Variants in TRIM5 observed in about 807,000 individuals in gnomAD.
The protein encoded by TRIM5 is tripartite motif containing 5.
Under a neutral mutation model 35.6 loss-of-function variants are expected in TRIM5, and 31 were observed. The observed-to-expected ratio is 0.87, with a 90% CI of 0.65 to 1.18. TRIM5 has a LOEUF of 1.18. TRIM5 is among the 50% of genes most tolerant of loss of function. The pLI is 0.00. For synonymous variants in TRIM5, 243 were observed against 215.6 expected, an observed-to-expected ratio of 1.13 and a Z score of -1.11; for missense variants, 609 against 591.6, an observed-to-expected ratio of 1.03 and a Z score of -0.31.
chr11:5,653,172 G>A, the TRIM5 span, among the ~76,000 whole-genome samples: 1 of 152,104 alleles, frequency 6.6e-6, no homozygotes, highest in Non-Finnish European at 1.5e-5. Context: ...TCCTTGAGCA[G>A]TGTTTTCAAA....
At chr11:5,634,886 A>G in the TRIM5 span, 3 of 1,604,268 alleles carry the variant, frequency 1.9e-6, no homozygotes, top group Non-Finnish European at 2.6e-6. Flanking sequence ...TCAATCTGAG[A>G]TTCTGGGAAC....
chr11:5,645,818 CT>C, the TRIM5 span: 1 of 225,124 alleles, frequency 4.4e-6, no homozygotes, highest in African/African-American at 2.5e-5. Flanking sequence ...GATGATGAGA[CT>C]TTTACCCAGA....
At chr11:5,598,047 G>A in the TRIM5 span, among the ~76,000 whole-genome samples, 3 of 152,144 alleles carry the variant, frequency 2.0e-5, no homozygotes, top group Non-Finnish European at 4.4e-5. Flanking sequence ...GATTTAATTG[G>A]TCCCACCTGG....
Position 5,678,297 on chromosome 11 carries a change from A to G in TRIM5, c.651T>C (p.Ser217=). The G allele has an allele frequency of 6.2e-7, 1 of 1,614,146 alleles. No individual in the cohort carries two copies. The highest frequency in any genetic ancestry group is 1.1e-5 in the South Asian group (1 of 91,082). ...EEDILKSLTN[S]ETEMVQQTQS... ...GGGTCTGCTGCACCATCTCAGTTTCAGAGTTCGTAAGGCTTTTCAGAATGT... is the reference window on the plus strand; with the variant it reads ...GGGTCTGCTGCACCATCTCAGTTTCGGAGTTCGTAAGGCTTTTCAGAATGT... Residue 217 remains serine (S), a synonymous_variant, in exon 4 of 8, where the codon TCT becomes TCC. Coordinates refer to ENST00000380034, the MANE Select transcript of TRIM5 (RefSeq NM_033034.3).
chr11:5,679,985 C>G lies in TRIM5; in HGVS notation c.193G>C (p.Glu65Gln), dbSNP rs1852304852. 2 of 1,614,120 alleles carry G rather than the reference C, an allele frequency of 1.2e-6. No individual in the cohort carries two copies. Among genetic ancestry groups the G allele is most frequent in the Middle Eastern group, 1.6e-4 (1 of 6,062 alleles). Residue 65 changes from glutamate to glutamine, a missense_variant, in exon 2 of 8, where the codon GAG becomes CAG. Glu to Gln is a conservative substitution (Grantham distance 29). Transcript: ENST00000380034. Reference sequence around the variant, plus strand: ...ACATGCCGATTAGGCCGTATGTTCTCAGGCTGGTAACTGATCCGGCACACA... The same window carrying G: ...ACATGCCGATTAGGCCGTATGTTCTGAGGCTGGTAACTGATCCGGCACACA... ...CPVCRISYQP[E>Q]NIRPNRHVAN...
At chr11:5,643,935 A>C in the TRIM5 span, 1 of 579,738 alleles carries the variant, frequency 1.7e-6, no homozygotes, top group Admixed American at 3.6e-5. Context: ...CTAAAGACAC[A>C]GCAGTATGGG....
chr11:5,662,723 T>C (rs1850872175), downstream of TRIM5, among the ~76,000 whole-genome samples: 1 of 152,232 alleles, frequency 6.6e-6, no homozygotes, highest in African/African-American at 2.4e-5. Context: ...ATTTTTAACT[T>C]AGTTCTTGTA....
At chr11:5,667,599 G>GT (rs1851241209) in intron 5 of TRIM5, 90 bp downstream of exon 5, 1 of 1,410,556 alleles carries the variant, frequency 7.1e-7, no homozygotes, top group African/African-American at 1.5e-5. Context: ...CCTGGGAGAT[G>GT]TTTTATTCTA....
At chr11:5,667,648 C>T in intron 5 of TRIM5, 41 bp downstream of exon 5, 2 of 1,608,162 alleles carry the variant, frequency 1.2e-6, no homozygotes, top group Non-Finnish European at 1.7e-6. Context: ...TAAATCTCTC[C>T]TCACTGCACA....
In TRIM5 at chr11:5,678,320, T is replaced by A. The variant is rs766020139; in HGVS notation, c.628A>T (p.Ile210Phe). 1.9e-6 allele frequency: 3 copies of A among 1,614,042 alleles called. No individual in the cohort carries two copies. Among genetic ancestry groups the A allele is most frequent in the Middle Eastern group, 1.6e-4 (1 of 6,084 alleles). The change falls in exon 4 of 8, where the codon ATT becomes TTT. Residue 210 changes from isoleucine (I) to phenylalanine (F), a missense_variant. Physicochemically the swap from Ile to Phe is conservative, Grantham distance 21. Coordinates refer to ENST00000380034, the MANE Select transcript of TRIM5 (RefSeq NM_033034.3). ...LQNLEKEEED[I>F]LKSLTNSETE... ...TCAGAGTTCGTAAGGCTTTTCAGAA[T>A]GTCTTCCTCCTCCTTCTCCAGGTTT...
At chr11:5,642,308 A>G in the TRIM5 span, 1 of 1,089,886 alleles carries the variant, frequency 9.2e-7, no homozygotes, top group Non-Finnish European at 1.4e-6. Flanking sequence ...AGAAGGGTTC[A>G]AGTGCATCAG....
At chr11:5,623,032 T>C in the TRIM5 span, among the ~76,000 whole-genome samples, 3 of 150,290 alleles carry the variant, frequency 2.0e-5, no homozygotes, top group South Asian at 6.2e-4. Flanking sequence ...CATTAAGCAA[T>C]AGGGCAAAGG....
At chr11:5,639,702 A>AAAT in the TRIM5 span, among the ~76,000 whole-genome samples, 2 of 144,516 alleles carry the variant, frequency 1.4e-5, no homozygotes, top group Non-Finnish European at 3.0e-5. Context: ...AAAAAAAAAA[A>AAAT]AAAAAGATTG....
At chr11:5,614,943 C>T in the TRIM5 span, among the ~76,000 whole-genome samples, 1 of 152,116 alleles carries the variant, frequency 6.6e-6, no homozygotes, top group South Asian at 2.1e-4. Flanking sequence ...CTATACATTT[C>T]CTTCTGTGGC....
intron 1 of TRIM5, among the ~76,000 whole-genome samples, chr11:5,683,259 C>T (rs1305902538): frequency 6.6e-6 from 1 of 152,238 alleles, no homozygotes; most frequent in African/African-American, 2.4e-5. Context: ...CGCCCAGTCC[C>T]ATCACCACCC....
Position 5,666,055 on chromosome 11 carries a change from GGC to G in TRIM5, c.792_793del (p.Lys264AsnfsTer16), listed in dbSNP as rs746311246. 1 of 1,612,468 alleles carries G rather than the reference GGC, an allele frequency of 6.2e-7. No homozygotes were observed. The highest frequency in any genetic ancestry group is 8.5e-7 in the Non-Finnish European group (1 of 1,179,714). ...CCTTTGATTTTTTGGAAAAGTTTCT[GGC>G]TTCTTCAAGGTCACGTTCTCCGTCC... On this transcript the variant is annotated frameshift_variant, in exon 6 of 8. Transcript: ENST00000380034. LOFTEE classifies it high-confidence loss of function.
rs772940237 is a variant in TRIM5 at position 5,679,808 on chromosome 11, G to A, written c.370C>T (p.Arg124Cys). The A allele has an allele frequency of 3.7e-5, 60 of 1,611,462 alleles. No homozygotes were observed. The highest frequency in any genetic ancestry group is 1.2e-4 in the Admixed American group (7 of 59,826). Residue 124 changes from arginine (R) to cysteine (C), a missense_variant, in exon 2 of 8, where the codon CGT becomes TGT. By Grantham distance (180) the Arg-to-Cys change is radical. Coordinates refer to ENST00000380034, the MANE Select transcript of TRIM5 (RefSeq NM_033034.3). Reference protein sequence around the residue: ...CWLCERSQEHRGHHTFLTEEV... With the variant: ...CWLCERSQEHCGHHTFLTEEV... ...TCTGTGAGGAACGTGTGGTGACCAC[G>A]GTGCTCCTGAGACCGCTCACAAAGC...
the TRIM5 span, among the ~76,000 whole-genome samples, chr11:5,615,587 TGTTG>T: frequency 2.1e-3 from 242 of 116,422 alleles, no homozygotes; most frequent in African/African-American, 6.7e-3. Flanking sequence ...GTTTTTTTTT[TGTTG>T]TTGTTGTTGT....
At chr11:5,617,216 T>G in the TRIM5 span, among the ~76,000 whole-genome samples, 1 of 144,828 alleles carries the variant, frequency 6.9e-6, no homozygotes, top group East Asian at 2.2e-4. Context: ...TTGGAATCTT[T>G]GAAAAAGCAG....
Sources: allele counts gnomAD v4.1 joint callset (sites outside exome capture counted in the v4.1 genomes callset), GRCh38; gene constraint gnomAD v4.1.1; transcripts MANE v1.5; gene names NCBI Gene and HGNC (gene_info 2026-07-23, HGNC 2026-07-21).